The following KCNMA1 variants were observed in gnomAD, a reference collection of about 807,000 sequenced individuals.
KCNMA1 encodes potassium calcium-activated channel subfamily M alpha 1.
Under a neutral mutation model 140.0 loss-of-function variants are expected in KCNMA1, and 29 were observed. That is an observed-to-expected ratio of 0.21 (90% CI 0.15 to 0.28). The LOEUF is 0.28. Among genes scored for constraint, KCNMA1 ranks in the 10% least tolerant of loss-of-function variants. The pLI, the probability that KCNMA1 is intolerant of heterozygous loss-of-function variation, is 1.00. For missense variants in KCNMA1, 880 were observed against 1,602.2 expected (o/e 0.55, Z 7.70); for synonymous variants, 612 against 611.9 (o/e 1.00, Z 0.00).
At chr10:77,343,875 G>A (rs906821361) in intron 2 of KCNMA1, among the ~76,000 whole-genome samples, 1 of 152,178 alleles carries the variant, frequency 6.6e-6, no homozygotes, top group African/African-American at 2.4e-5. Context: ...ATACAGGAAG[G>A]AACCAGTCAT....
At chr10:76,945,231 T>G (rs1234780115) in intron 22 of KCNMA1, among the ~76,000 whole-genome samples, 1 of 152,148 alleles carries the variant, frequency 6.6e-6, no homozygotes, top group Admixed American at 6.5e-5. Context: ...CAATACTCAA[T>G]CAAGCTATTA....
intron 3 of KCNMA1, among the ~76,000 whole-genome samples, chr10:77,195,481 A>G (rs1040821913): frequency 1.1e-4 from 16 of 152,206 alleles, no homozygotes; most frequent in Admixed American, 7.9e-4. Context: ...TGATTATACA[A>G]TCATATCTTC....
At chr10:77,130,229 T>G (rs761197208) in intron 5 of KCNMA1, among the ~76,000 whole-genome samples, 1 of 152,214 alleles carries the variant, frequency 6.6e-6, no homozygotes, top group East Asian at 1.9e-4. Flanking sequence ...ACTCTAAGTA[T>G]TCACACAACC....
chr10:76,888,646 G>A (rs1038580857), intron 27 of KCNMA1, among the ~76,000 whole-genome samples: 1 of 152,068 alleles, frequency 6.6e-6, no homozygotes, highest in African/African-American at 2.4e-5. Context: ...CATCTAAACT[G>A]TTATTTCTCT....
intron 22 of KCNMA1, among the ~76,000 whole-genome samples, chr10:76,945,251 G>A (rs551822320): frequency 7.2e-5 from 11 of 152,274 alleles, no homozygotes; most frequent in African/African-American, 2.6e-4. Context: ...ACTAACAAAC[G>A]CGGGAGAGGA....
intron 5 of KCNMA1, among the ~76,000 whole-genome samples, chr10:77,134,479 A>T (rs1023842722): frequency 6.6e-5 from 10 of 151,900 alleles, no homozygotes; most frequent in African/African-American, 1.9e-4. Context: ...TGGTTCAAAT[A>T]AAAAAAATGT....
At chr10:77,219,059 C>A (rs1343773198) in intron 3 of KCNMA1, among the ~76,000 whole-genome samples, 1 of 152,058 alleles carries the variant, frequency 6.6e-6, no homozygotes, top group Non-Finnish European at 1.5e-5. Context: ...TCTTGAAGTG[C>A]CCTCCTGGTT....
At chr10:77,469,302 T>C (rs2098102640) in intron 1 of KCNMA1, among the ~76,000 whole-genome samples, 1 of 152,160 alleles carries the variant, frequency 6.6e-6, no homozygotes, top group Non-Finnish European at 1.5e-5. Context: ...TTCCAGTTTA[T>C]TGGAGAAGGA....
chr10:77,637,436 G>T lies in KCNMA1; in HGVS notation c.207C>A (p.Leu69=), dbSNP rs780686705. The stretch of plus-strand genomic sequence containing the variant: ...GCACCTCCATGGTCACCGGGATGAT[G>T]AGCGCATCCATCTTGGGCTCGTGGA... ...SSVHEPKMDA[L]IIPVTMEVPC... is the part of the protein sequence containing the mutation. The change falls in exon 1 of 28, where the codon CTC becomes CTA. Residue 69 remains leucine, a synonymous_variant. Coordinates refer to ENST00000286628, the MANE Select transcript of KCNMA1 (RefSeq NM_001161352.2). The T allele has an allele frequency of 6.2e-7, 1 of 1,613,636 alleles. No individual in the cohort carries two copies.
chr10:77,359,319 G>A (rs865785101), intron 2 of KCNMA1, among the ~76,000 whole-genome samples: 8 of 152,250 alleles, frequency 5.3e-5, no homozygotes, highest in African/African-American at 7.2e-5. Flanking sequence ...GTGTGTGAGC[G>A]CCGCAATGAC....
At chr10:77,353,976 G>C (rs1223886668) in intron 2 of KCNMA1, among the ~76,000 whole-genome samples, 16 of 144,050 alleles carry the variant, frequency 1.1e-4, no homozygotes, top group Non-Finnish European at 1.1e-4. Context: ...TTTTTGGGGG[G>C]GGGGGTGGTG....
intron 21 of KCNMA1, chr10:76,949,576 T>C: frequency 1.7e-6 from 1 of 602,380 alleles, no homozygotes; most frequent in Non-Finnish European, 3.0e-6. Context: ...GTAATAAATC[T>C]GTCCAAATGT....
intron 5 of KCNMA1, among the ~76,000 whole-genome samples, chr10:77,174,739 C>G (rs1185841724): frequency 6.6e-6 from 1 of 152,202 alleles, no homozygotes. Flanking sequence ...ATGTAGATCT[C>G]TGACGTTAGC....
At chr10:77,487,279 T>C (rs1163478506) in intron 1 of KCNMA1, among the ~76,000 whole-genome samples, 1 of 152,158 alleles carries the variant, frequency 6.6e-6, no homozygotes. Context: ...TTGCCTGGTA[T>C]GTCAACTGGA....
rs1329973428 is a variant in KCNMA1, at chr10:77,535,952, G to T, written c.378+101313C>A. The stretch of plus-strand genomic sequence containing the variant: ...GTGCAAACATACAGGTAGATAGAAG[G>T]AATACGATCTAGTGTTCAGTAGCAC... On this transcript the variant is annotated intron_variant, in intron 1 of 27. Coordinates refer to ENST00000286628, the MANE Select transcript of KCNMA1 (RefSeq NM_001161352.2). Among the ~76,000 whole-genome samples, 5 of 152,314 alleles carry T rather than the reference G, an allele frequency of 3.3e-5. No homozygotes were observed. In the East Asian group the frequency reaches 9.7e-4, roughly 29 times the overall value.
At chr10:76,922,319 A>G (rs140096019) in intron 23 of KCNMA1, among the ~76,000 whole-genome samples, 1 of 152,320 alleles carries the variant, frequency 6.6e-6, no homozygotes, top group East Asian at 1.9e-4. Context: ...GAACCAGGAT[A>G]GTTGATATCT....
intron 5 of KCNMA1, among the ~76,000 whole-genome samples, chr10:77,130,393 T>C (rs997981086): frequency 4.6e-5 from 7 of 152,206 alleles, no homozygotes; most frequent in Non-Finnish European, 8.8e-5. Context: ...TCAGCTGTGA[T>C]GTTTGGTAGG....
At chr10:77,012,284 C>T in intron 17 of KCNMA1, 1 of 1,459,862 alleles carries the variant, frequency 6.8e-7, no homozygotes. Context: ...TACAAAGAAA[C>T]TGGGAAAAAA....
intron 1 of KCNMA1, among the ~76,000 whole-genome samples, chr10:77,547,846 G>A (rs189896492): frequency 3.7e-4 from 57 of 152,210 alleles, no homozygotes; most frequent in East Asian, 2.7e-3. Flanking sequence ...AATCCAGCCC[G>A]ATGCCTATTT....
Sources: allele counts gnomAD v4.1 joint callset (sites outside exome capture counted in the v4.1 genomes callset), GRCh38; gene constraint gnomAD v4.1.1; transcripts MANE v1.5; gene names NCBI Gene and HGNC (gene_info 2026-07-23, HGNC 2026-07-21).